The following PDE4DIP variants were observed in gnomAD, a reference collection of about 807,000 sequenced individuals.
PDE4DIP encodes the protein phosphodiesterase 4D interacting protein.
A neutral mutation model predicts 221.4 loss-of-function variants in PDE4DIP; 59 were observed. The ratio of observed to expected loss-of-function variants is 0.27; its 90% CI spans 0.22 to 0.33. The LOEUF (loss-of-function observed/expected upper bound fraction) is 0.33. Ranked by LOEUF, PDE4DIP falls within the 10% of genes least tolerant of loss-of-function variation. The pLI, the probability that PDE4DIP is intolerant of heterozygous loss-of-function variation, is 1.00. For missense variants in PDE4DIP, 1,036 were observed against 2,154.2 expected, an observed-to-expected ratio of 0.48 and a Z score of 10.28; for synonymous variants, 404 against 815.9, an observed-to-expected ratio of 0.50 and a Z score of 8.60.
chr1:149,023,382 T>G (rs2073756119), intron 37 of PDE4DIP, among the ~76,000 whole-genome samples: 1 of 151,288 alleles, frequency 6.6e-6, no homozygotes, highest in South Asian at 2.1e-4. Context: ...TGCACCCTGT[T>G]GCCTTGCTAA....
In PDE4DIP at chr1:148,989,372, C is replaced by T. The variant is rs1408326393; in HGVS notation, c.2816-2513C>T. ...GATGAGATGAGCATTTATTTGTCTC[C>T]GTCGAATTCCTTATGAAGCCAGAAC... On this transcript the variant is annotated intron_variant, in intron 21 of 43. Coordinates refer to ENST00000369354, the Ensembl canonical transcript of PDE4DIP. 2.8e-5 allele frequency: 26 copies of T among 918,272 alleles called. No individual in the cohort carries two copies. The African/African-American group carries it at 3.6e-4, about 13-fold the overall frequency. The allele number at this position is 918,272 out of a possible 1,614,324, so 56.9% of individuals were successfully genotyped here.
At chr1:148,859,345 GA>G (rs1434976999) in intron 1 of PDE4DIP, among the ~76,000 whole-genome samples, 1 of 148,718 alleles carries the variant, frequency 6.7e-6, no homozygotes, top group East Asian at 2.0e-4. Flanking sequence ...AGCAACTCAA[GA>G]AAATATGAGT....
At chr1:149,014,975 G>C (rs1200099563) in intron 32 of PDE4DIP, among the ~76,000 whole-genome samples, 1 of 151,518 alleles carries the variant, frequency 6.6e-6, no homozygotes, top group East Asian at 1.9e-4. Flanking sequence ...TTCTCCCTTT[G>C]CCTTGTGTTC....
At chr1:149,026,366 A>G (rs2152779754) in intron 38 of PDE4DIP, 1 of 167,360 alleles carries the variant, frequency 6.0e-6, no homozygotes, top group South Asian at 1.8e-4. Flanking sequence ...TACTATGTAT[A>G]TTTATACATA....
intron 22 of PDE4DIP, among the ~76,000 whole-genome samples, chr1:148,997,582 G>A (rs1466866578): frequency 1.3e-5 from 2 of 151,944 alleles, no homozygotes; most frequent in South Asian, 2.1e-4. Flanking sequence ...CTTCCCTGTC[G>A]CTCCACCTTA....
chr1:148,818,114 C>T (rs1668249711), intron 1 of PDE4DIP, among the ~76,000 whole-genome samples: 1 of 148,988 alleles, frequency 6.7e-6, no homozygotes, highest in Admixed American at 6.7e-5. Context: ...GTGCCCCGCC[C>T]ATGTATTAAT....
exon 44 of PDE4DIP, chr1:149,032,012 A>G (rs1553638724): frequency 5.6e-6 from 9 of 1,611,022 alleles, no homozygotes; most frequent in Non-Finnish European, 7.6e-6. Context: ...ACCATGCAAG[A>G]AGCGCAGCCA....
chr1:148,883,231 AT>A (rs1475544650), intron 3 of PDE4DIP, among the ~76,000 whole-genome samples: 9 of 146,816 alleles, frequency 6.1e-5, no homozygotes, highest in Middle Eastern at 3.6e-3. Flanking sequence ...GATCATATTT[AT>A]TGTCTATGTG....
intron 1 of PDE4DIP, among the ~76,000 whole-genome samples, chr1:148,915,142 G>GTTTT (rs1553457301): frequency 1.4e-5 from 2 of 142,260 alleles, no homozygotes; most frequent in African/African-American, 5.5e-5. Flanking sequence ...TTTTTTGTTT[G>GTTTT]TTTGTTTGTT....
chr1:148,944,847 G>C (rs2151051854), intron 5 of PDE4DIP, among the ~76,000 whole-genome samples: 1 of 152,188 alleles, frequency 6.6e-6, no homozygotes, highest in South Asian at 2.1e-4. Flanking sequence ...CTCCATCCTG[G>C]GCAACACAGC....
intron 1 of PDE4DIP, among the ~76,000 whole-genome samples, chr1:148,900,917 AG>A (rs2040446522): frequency 4.2e-5 from 1 of 23,904 alleles, no homozygotes; most frequent in Non-Finnish European, 6.9e-5. Flanking sequence ...ACTAGAATCC[AG>A]GAGCCCTAAC....
intron 5 of PDE4DIP, among the ~76,000 whole-genome samples, chr1:148,954,302 C>T (rs1177273053): frequency 2.0e-5 from 3 of 151,926 alleles, no homozygotes; most frequent in African/African-American, 2.4e-5. Context: ...GACGTTTCCT[C>T]CCAATGGTTT....
intron 1 of PDE4DIP, among the ~76,000 whole-genome samples, chr1:148,822,409 G>T (rs1252780834): frequency 7.5e-6 from 1 of 133,922 alleles, no homozygotes; most frequent in African/African-American, 2.7e-5. Flanking sequence ...CAGCAGACCA[G>T]CAGCTGCATT....
rs74442487 is a variant in PDE4DIP at position 148,953,529 on chromosome 1, A to G, written c.637-7125A>G. 3,132 of 1,614,142 alleles carry G rather than the reference A, an allele frequency of 1.9e-3. 42 individuals are homozygous for G. The African/African-American group carries it at 0.038, about 20-fold the overall frequency. ...GTGGAATCTTTGGATGCAAGCGTCC[A>G]GGCTAGCCCTCCACAACAGAAAGAT... On this transcript the variant is annotated intron_variant, in intron 5 of 43. Coordinates refer to ENST00000369354, the Ensembl canonical transcript of PDE4DIP.
chr1:149,030,137 A>G (rs587711164), intron 42 of PDE4DIP, 95 bp from the exon 46 acceptor site: 3 of 1,076,392 alleles, frequency 2.8e-6, no homozygotes, highest in South Asian at 2.9e-5. Context: ...CTGAATAGCC[A>G]GAAAGAAATA....
chr1:149,019,780 C>A (rs1425374839), intron 35 of PDE4DIP, among the ~76,000 whole-genome samples: 1 of 152,184 alleles, frequency 6.6e-6, no homozygotes, highest in Non-Finnish European at 1.5e-5. Flanking sequence ...CAAAAAATCT[C>A]AGTTTTCAAA....
intron 4 of PDE4DIP, among the ~76,000 whole-genome samples, chr1:148,933,006 T>C (rs1453010625): frequency 6.6e-6 from 1 of 152,112 alleles, no homozygotes; most frequent in Non-Finnish European, 1.5e-5. Context: ...TCACCAGACA[T>C]TGAACCTGTC....
chr1:148,943,935 C>G (rs2051028060), intron 5 of PDE4DIP, among the ~76,000 whole-genome samples: 1 of 151,810 alleles, frequency 6.6e-6, no homozygotes, highest in African/African-American at 2.4e-5. Flanking sequence ...TTAGCTAACT[C>G]TCTGAGGTCT....
chr1:149,017,797 G>A (rs782608760), exon 34 of PDE4DIP: 10 of 1,609,422 alleles, frequency 6.2e-6, no homozygotes, highest in Non-Finnish European at 8.5e-6. Context: ...ACCTGCGCCA[G>A]CGCCTGGAGG....
Sources: allele counts gnomAD v4.1 joint callset (sites outside exome capture counted in the v4.1 genomes callset), GRCh38; gene constraint gnomAD v4.1.1; transcripts MANE v1.5; gene names NCBI Gene and HGNC (gene_info 2026-07-23, HGNC 2026-07-21).